AFF3: variants seen among roughly 807,000 people sequenced by gnomAD.
The protein encoded by AFF3 is AF4/FMR2 family member 3.
A neutral mutation model predicts 129.7 loss-of-function variants in AFF3; 32 were observed. The observed-to-expected ratio is 0.25, with a 90% CI of 0.19 to 0.33. The LOEUF is 0.33. Ranked by LOEUF, AFF3 falls within the 10% of genes least tolerant of loss-of-function variation. The probability of loss-of-function intolerance (pLI) is 1.00; values close to 1 mark genes in which losing one functional copy is unlikely to be tolerated. For missense variants in AFF3, 1,373 were observed against 1,592.0 expected (o/e 0.86, Z 2.34); for synonymous variants, 644 against 635.4 (o/e 1.01, Z -0.20).
intron 16 of AFF3, among the ~76,000 whole-genome samples, chr2:99,584,165 A>AT (rs1404612591): frequency 3.3e-5 from 5 of 152,132 alleles, no homozygotes; most frequent in Non-Finnish European, 4.4e-5. Context: ...TAAACCTAGA[A>AT]TATAAAAACG....
chr2:99,663,228 T>C (rs1022775779), intron 12 of AFF3, among the ~76,000 whole-genome samples: 1 of 152,190 alleles, frequency 6.6e-6, no homozygotes, highest in Non-Finnish European at 1.5e-5. Context: ...AATCTGCTTT[T>C]AAGAGTACAC....
chr2:99,923,895 G>A (rs562074912), intron 7 of AFF3, among the ~76,000 whole-genome samples: 2 of 151,952 alleles, frequency 1.3e-5, no homozygotes, highest in African/African-American at 4.8e-5. Flanking sequence ...TTAAACAAAG[G>A]TAAAGAAAAA....
At chr2:99,804,533 C>A (rs1686193295) in intron 8 of AFF3, among the ~76,000 whole-genome samples, 1 of 152,156 alleles carries the variant, frequency 6.6e-6, no homozygotes, top group African/African-American at 2.4e-5. Context: ...ATGGTGATTT[C>A]TCAAAGAACT....
At chr2:99,643,679 G>C (rs1031122718) in intron 13 of AFF3, among the ~76,000 whole-genome samples, 1 of 152,092 alleles carries the variant, frequency 6.6e-6, no homozygotes, top group African/African-American at 2.4e-5. Context: ...ACTTGACAAG[G>C]GGTCAGGAAG....
chr2:100,142,185 A>T (rs536085901), intron 1 of AFF3, among the ~76,000 whole-genome samples: 1 of 152,016 alleles, frequency 6.6e-6, no homozygotes, highest in Admixed American at 6.5e-5. Context: ...CACTCAGGTT[A>T]TGTCTTCTTT....
At position 99,593,570 on chromosome 2, in the gene AFF3, A is replaced by C; in HGVS notation, c.2091T>G (p.Ala697=). 1 of 1,613,232 alleles carries C rather than the reference A, an allele frequency of 6.2e-7. No individual in the cohort carries two copies. The highest frequency in any genetic ancestry group is 1.3e-5 in the African/African-American group (1 of 75,044). Residue 697 remains alanine, a synonymous_variant, in exon 15 of 25, where the codon GCT becomes GCG. Transcript: ENST00000672756. The part of the protein sequence containing the change: ...EYPLSKAQTV[A]ASASSGNDQR... The stretch of plus-strand genomic sequence containing the variant: ...GATCATTCCCGGAGGAGGCAGAGGC[A>C]GCCACGGTCTGTGCTTTGGACAGAG...
At chr2:99,870,104 G>A (rs1302793155) in intron 7 of AFF3, among the ~76,000 whole-genome samples, 2 of 152,168 alleles carry the variant, frequency 1.3e-5, no homozygotes, top group East Asian at 1.9e-4. Flanking sequence ...ACCAGTGTCT[G>A]AACTGAACAG....
intron 17 of AFF3, among the ~76,000 whole-genome samples, chr2:99,580,216 C>A (rs1200946202): frequency 2.0e-5 from 3 of 152,164 alleles, no homozygotes; most frequent in Non-Finnish European, 4.4e-5. Flanking sequence ...TATATGGTGA[C>A]TTGCCTTTTA....
chr2:99,895,690 C>T (rs1027734360), intron 7 of AFF3, among the ~76,000 whole-genome samples: 1 of 152,114 alleles, frequency 6.6e-6, no homozygotes, highest in African/African-American at 2.4e-5. Context: ...ACAGCAGGGA[C>T]TCGGTGGGAG....
intron 2 of AFF3, chr2:100,107,220 A>G: frequency 1.0e-6 from 1 of 985,400 alleles, no homozygotes; most frequent in Non-Finnish European, 1.2e-6. Context: ...GCTGTCATGG[A>G]GATAAATCCA....
intron 12 of AFF3, among the ~76,000 whole-genome samples, chr2:99,655,213 TACAC>T (rs59646108): frequency 0.12 from 15,978 of 129,980 alleles, 1,042 homozygotes; most frequent in African/African-American, 0.18. Context: ...CATGAAAAGC[TACAC>T]ACACACACAC....
At chr2:99,821,185 T>C (rs878921573) in intron 8 of AFF3, among the ~76,000 whole-genome samples, 1 of 152,154 alleles carries the variant, frequency 6.6e-6, no homozygotes, top group African/African-American at 2.4e-5. Flanking sequence ...CCCTACATCT[T>C]TTCCCACTGG....
intron 8 of AFF3, among the ~76,000 whole-genome samples, chr2:99,781,164 T>C (rs960234440): frequency 2.0e-5 from 3 of 152,158 alleles, no homozygotes; most frequent in African/African-American, 7.2e-5. Flanking sequence ...TTGCACCTAC[T>C]GTTCCCTTGG....
intron 7 of AFF3, among the ~76,000 whole-genome samples, chr2:99,918,853 T>C (rs569494020): frequency 6.6e-6 from 1 of 152,276 alleles, no homozygotes; most frequent in East Asian, 1.9e-4. Flanking sequence ...TAGAAAAACT[T>C]TTGCATGAAG....
At chr2:100,132,901 C>A (rs1202697316) in intron 1 of AFF3, among the ~76,000 whole-genome samples, 1 of 149,942 alleles carries the variant, frequency 6.7e-6, no homozygotes, top group Non-Finnish European at 1.5e-5. Flanking sequence ...GAAATTAGGT[C>A]AATGGGTTGG....
At chr2:100,084,297 A>G (rs1439029367) in intron 4 of AFF3, among the ~76,000 whole-genome samples, 1 of 152,258 alleles carries the variant, frequency 6.6e-6, no homozygotes, top group Non-Finnish European at 1.5e-5. Context: ...ACTTAACTGT[A>G]CTAAACACTT....
intron 11 of AFF3, among the ~76,000 whole-genome samples, chr2:99,698,716 C>G (rs1676546053): frequency 6.6e-6 from 1 of 152,210 alleles, no homozygotes; most frequent in Non-Finnish European, 1.5e-5. Context: ...CACAGGCACT[C>G]AGTGAGAATA....
intron 19 of AFF3, among the ~76,000 whole-genome samples, chr2:99,566,506 C>T (rs939080915): frequency 2.0e-5 from 3 of 152,134 alleles, no homozygotes; most frequent in Non-Finnish European, 2.9e-5. Flanking sequence ...TATGATCGCC[C>T]CACTGTGCTC....
At chr2:99,942,559 C>A (rs1675159161) in intron 7 of AFF3, among the ~76,000 whole-genome samples, 1 of 116,820 alleles carries the variant, frequency 8.6e-6, no homozygotes, top group African/African-American at 4.0e-5. Flanking sequence ...GGGGGGGGGT[C>A]GCGGCACAGG....
Sources: gnomAD v4.1 joint callset for allele counts (sites outside exome capture counted in the v4.1 genomes callset) on GRCh38, gnomAD v4.1.1 for gene constraint, MANE v1.5 for transcripts, NCBI Gene and HGNC (gene_info 2026-07-23, HGNC 2026-07-21) for gene names.